Variants in ZNF304 observed in about 807,000 individuals in gnomAD.
ZNF304 encodes KRAB-containing zinc finger protein.
ZNF304 carries 7 observed loss-of-function variants against 7.8 expected under a neutral mutation model. The ratio of observed to expected loss-of-function variants is 0.90; its 90% CI spans 0.51 to 1.69. ZNF304 has a LOEUF of 1.69. Among genes scored for constraint, ZNF304 ranks in the 40% most tolerant of loss-of-function variants. The probability of loss-of-function intolerance (pLI) is 0.00; values close to 1 mark genes in which losing one functional copy is unlikely to be tolerated. For synonymous variants in ZNF304, 280 were observed against 272.4 expected (o/e 1.03, Z -0.27); for missense variants, 669 against 804.8 (o/e 0.83, Z 2.04).
intron 2 of ZNF304, among the ~76,000 whole-genome samples, chr19:57,355,562 A>G (rs2088324507): frequency 6.6e-6 from 1 of 152,150 alleles, no homozygotes; most frequent in South Asian, 2.1e-4. Flanking sequence ...CGTGTCTTCC[A>G]TCCTTTGGGT....
In ZNF304 at chr19:57,357,841, C is replaced by T. The variant is rs2088368628; in HGVS notation, c.1972C>T (p.Leu658Phe). Residue 658 changes from leucine (L) to phenylalanine (F), a missense_variant, in exon 3 of 3, where the codon CTT becomes TTT. Leu to Phe is a conservative substitution (Grantham distance 22). Transcript: ENST00000282286. Reference sequence around the variant, plus strand: ...TGGCCCTTTAGCTGCATCTCTTAAACTTGTTTAACACCAGAAAATTCACAC... The same window carrying T: ...TGGCCCTTTAGCTGCATCTCTTAAATTTGTTTAACACCAGAAAATTCACAC... ...FGGPLAASLK[L>F]V 6.3e-7 allele frequency: 1 copy of T among 1,588,908 alleles called. No individual in the cohort carries two copies. Among genetic ancestry groups the T allele is most frequent in the Non-Finnish European group, 8.5e-7 (1 of 1,171,096 alleles).
At position 57,351,675 on chromosome 19, in the gene ZNF304, C is replaced by T; in HGVS notation, c.11C>T (p.Ala4Val). The change falls in exon 1 of 3, where the codon GCG (alanine) becomes GTG (valine). Residue 4 changes from alanine to valine, a missense_variant. Ala to Val is a moderately conservative substitution (Grantham distance 64). Transcript: ENST00000282286. The surrounding 1 kb of genome is among the most constrained non-coding windows in gnomAD (Gnocchi z 4.1). ...GTTCATCCGCTTCTCATGGCAGCGG[C>T]GGTGCTGATGGACCGGGTTCAGGTG... Reference protein sequence around the residue: MAAAVLMDRVQSCV... With the variant: MAAVVLMDRVQSCV... 6.2e-7 allele frequency: 1 copy of T among 1,613,144 alleles called. No individual in the cohort carries two copies. The highest frequency in any genetic ancestry group is 8.5e-7 in the Non-Finnish European group (1 of 1,179,656).
chr19:57,359,008 C>A lies in ZNF304; in HGVS notation c.*1159C>A, dbSNP rs1230859988. 1 of 152,004 alleles carries A rather than the reference C, an allele frequency of 6.6e-6. No homozygotes were observed. Among genetic ancestry groups the A allele is most frequent in the Admixed American group, 6.6e-5 (1 of 15,250 alleles). The allele number at this position is 152,004 out of a possible 1,614,324, so 9.4% of individuals were successfully genotyped here. A position where few individuals can be genotyped will look rare whatever the true frequency, so the allele number is the denominator to read the frequency against. On this transcript the variant is annotated 3_prime_UTR_variant, in exon 3 of 3. Coordinates refer to ENST00000282286, the MANE Select transcript of ZNF304 (RefSeq NM_020657.4). ...ATGGAGTGGGGATGACTGTGGCAAA[C>A]AAAAGGAGATTCGAACATTCTAGAG...
At position 57,357,595 on chromosome 19, in the gene ZNF304, C is replaced by G. The variant is rs1251547980; in HGVS notation, c.1726C>G (p.Gln576Glu). ...KAYISSSHLV[Q>E]HKKVHTGARP... ...TTACATTAGTAGCTCCCACCTTGTTCAACACAAGAAAGTTCACACTGGAGC... is the reference window on the plus strand; with the variant it reads ...TTACATTAGTAGCTCCCACCTTGTTGAACACAAGAAAGTTCACACTGGAGC... The change falls in exon 3 of 3, where the codon CAA (glutamine) becomes GAA (glutamate). Residue 576 changes from glutamine (Q) to glutamate (E), a missense_variant. By Grantham distance (29) the Gln-to-Glu change is conservative. Transcript: ENST00000282286. 1 of 1,614,122 alleles carries G rather than the reference C, an allele frequency of 6.2e-7. No homozygotes were observed. Among genetic ancestry groups the G allele is most frequent in the South Asian group, 1.1e-5 (1 of 91,080 alleles).
chr19:57,354,115 C>T (rs181798745), intron 2 of ZNF304, among the ~76,000 whole-genome samples: 235 of 151,414 alleles, frequency 1.6e-3, no homozygotes, highest in African/African-American at 4.6e-3. Flanking sequence ...CTCAAGTGAT[C>T]CCCCCCACCT....
chr19:57,358,944 C>T lies in ZNF304; in HGVS notation c.*1095C>T, dbSNP rs758212709. 2.0e-5 allele frequency: 3 copies of T among 152,128 alleles called. No homozygotes were observed. The highest frequency in any genetic ancestry group is 2.9e-5 in the Non-Finnish European group (2 of 68,052). 9.4% of individuals were successfully genotyped at this position (152,128 alleles called of 1,614,324 possible). On this transcript the variant is annotated 3_prime_UTR_variant, in exon 3 of 3. Transcript: ENST00000282286. ...CATTGACTGTAAGACCTCTGTAGGG[C>T]AATGTGAAAATCATGATTGCTACAG...
chr19:57,353,588 A>G (rs2088300563), intron 1 of ZNF304, 137 bp from the exon 2 acceptor site: 1 of 1,222,058 alleles, frequency 8.2e-7, no homozygotes. Flanking sequence ...AGTGGTGCCA[A>G]GGTCTGTTAT....
intron 1 of ZNF304, 85 bp from the exon 2 acceptor site, chr19:57,353,640 G>T: frequency 6.7e-7 from 1 of 1,503,662 alleles, no homozygotes; most frequent in Non-Finnish European, 8.9e-7. Flanking sequence ...GGACTAGAGA[G>T]TGGGTGTGTG....
Position 57,356,615 on chromosome 19 carries a change from G to A in ZNF304, c.746G>A (p.Arg249Lys). The change falls in exon 3 of 3, where the codon AGA (arginine) becomes AAA (lysine). Residue 249 changes from arginine (R) to lysine (K), a missense_variant. By Grantham distance (26) the Arg-to-Lys change is conservative (BLOSUM62 2). Transcript: ENST00000282286. ...LDSQMTHAEV[R>K]PFRCLPCGNV... ...AGCCAGATGACTCATGCTGAGGTGA[G>A]ACCCTTCAGATGCCTACCATGTGGA... 2 of 1,614,214 alleles carry A rather than the reference G, an allele frequency of 1.2e-6. No individual in the cohort carries two copies.
rs2088328808 is a variant in ZNF304 at position 57,355,885 on chromosome 19, C to A, written c.161-145C>A. The A allele has an allele frequency of 8.4e-5, 77 of 914,526 alleles. No individual in the cohort carries two copies. The East Asian group carries it at 1.8e-3, about 22-fold the overall frequency. The allele number at this position is 914,526 out of a possible 1,614,324, so 56.7% of individuals were successfully genotyped here. On this transcript the variant is annotated intron_variant, in intron 2 of 2. Coordinates refer to ENST00000282286, the MANE Select transcript of ZNF304 (RefSeq NM_020657.4). ...ATTCTGTGAGGCCCTATACTGACAACCAGCCCTTCTTTACACTGATCCTGG... is the reference window on the plus strand; with the variant it reads ...ATTCTGTGAGGCCCTATACTGACAAACAGCCCTTCTTTACACTGATCCTGG...
Position 57,357,942 on chromosome 19 carries a change from T to TG in ZNF304, c.*94dup. On this transcript the variant is annotated 3_prime_UTR_variant, in exon 3 of 3. Coordinates refer to ENST00000282286, the MANE Select transcript of ZNF304 (RefSeq NM_020657.4). ...TAGGACTCACACCAGAGCAATGCTC[T>TG]GTGAGTACCCTTTGTGAGGGAACCA... 1 of 1,462,196 alleles carries TG rather than the reference T, an allele frequency of 6.8e-7. No homozygotes were observed. The highest frequency in any genetic ancestry group is 9.2e-7 in the Non-Finnish European group (1 of 1,091,462). 90.6% of individuals were successfully genotyped at this position (1,462,196 alleles called of 1,614,324 possible). A position where few individuals can be genotyped will look rare whatever the true frequency, so the allele number is the denominator to read the frequency against.
chr19:57,357,181 C>T lies in ZNF304; in HGVS notation c.1312C>T (p.Arg438Trp), dbSNP rs751628661. 1.7e-5 allele frequency: 27 copies of T among 1,614,034 alleles called. No individual in the cohort carries two copies. Among genetic ancestry groups the T allele is most frequent in the African/African-American group, 8.0e-5 (6 of 74,898 alleles). ...FSHNSSLIKH[R>W]RVHTGARSYV... ...CCATAACTCTAGCCTCATTAAACAT[C>T]GGAGAGTCCACACAGGAGCAAGATC... is the stretch of plus-strand genomic sequence containing the variant. Residue 438 changes from arginine to tryptophan, a missense_variant, in exon 3 of 3, where the codon CGG becomes TGG. Transcript: ENST00000282286.
chr19:57,357,487 T>G lies in ZNF304; in HGVS notation c.1618T>G (p.Phe540Val). Residue 540 changes from phenylalanine to valine, a missense_variant, in exon 3 of 3, where the codon TTT (phenylalanine) becomes GTT (valine). Phe to Val is a conservative substitution (Grantham distance 50, BLOSUM62 -1). Coordinates refer to ENST00000282286, the MANE Select transcript of ZNF304 (RefSeq NM_020657.4). ...PYECNECGKC[F>V]SHNSSLILHQ... ...TGAGTGCAATGAATGTGGGAAATGC[T>G]TTAGCCACAACTCCAGCCTCATTTT... The G allele has an allele frequency of 1.2e-6, 2 of 1,613,536 alleles. No homozygotes were observed. Among genetic ancestry groups the G allele is most frequent in the Non-Finnish European group, 1.7e-6 (2 of 1,179,604 alleles).
At chr19:57,352,097 G>A (rs2088282710) in intron 1 of ZNF304, 1 of 204,506 alleles carries the variant, frequency 4.9e-6, no homozygotes, top group Non-Finnish European at 9.9e-6. Flanking sequence ...GGTAGACTAG[G>A]GATTATAGGG....
Position 57,357,424 on chromosome 19 carries a change from AT to A in ZNF304, c.1557del (p.Ile519MetfsTer134). 1 of 1,613,822 alleles carries A rather than the reference AT, an allele frequency of 6.2e-7. No homozygotes were observed. Among genetic ancestry groups the A allele is most frequent in the Non-Finnish European group, 8.5e-7 (1 of 1,179,950 alleles). ...ATTCTTCAGCCATAGCTCCAACCTT[AT>A]TGTACACCAGAGAATTCACACTGGA... ...GKFFSHSSNL[I>X]VHQRIHTGAK... On this transcript the variant is annotated frameshift_variant, in exon 3 of 3. Transcript: ENST00000282286. LOFTEE classifies it low-confidence loss of function (END_TRUNC).
At chr19:57,352,613 A>G (rs1165411245) in intron 1 of ZNF304, 1 of 152,150 alleles carries the variant, frequency 6.6e-6, no homozygotes, top group Non-Finnish European at 1.5e-5. Context: ...GAGGAGGGAG[A>G]TGATCTGACT....
At position 57,351,390 on chromosome 19, in the gene ZNF304, A is replaced by ACCTT; in HGVS notation, c.-269_-266dup. 1.8e-6 allele frequency: 1 copy of ACCTT among 541,858 alleles called. No individual in the cohort carries two copies. The allele number at this position is 541,858 out of a possible 1,614,324, so 33.6% of individuals were successfully genotyped here. A position where few individuals can be genotyped will look rare whatever the true frequency, so the allele number is the denominator to read the frequency against. ...AAAGAAAGACAGTGAAGACTGCAGG[A>ACCTT]CCTTCCTTCGCGCTTTTGTTACAAT... On this transcript the variant is annotated 5_prime_UTR_variant, in exon 1 of 3. Coordinates refer to ENST00000282286, the MANE Select transcript of ZNF304 (RefSeq NM_020657.4). The surrounding 1 kb of genome is among the most constrained non-coding windows in gnomAD (Gnocchi z 4.1).
chr19:57,353,625 G>A, intron 1 of ZNF304, 100 bp from the exon 2 acceptor site: 1 of 1,457,998 alleles, frequency 6.9e-7, no homozygotes, highest in South Asian at 1.6e-5. Context: ...GGCTGGGGAG[G>A]CGAGGGACTA....
chr19:57,356,599 A>G lies in ZNF304; in HGVS notation c.730A>G (p.Thr244Ala), dbSNP rs771952072. The change falls in exon 3 of 3, where the codon ACT becomes GCT. Residue 244 changes from threonine to alanine, a missense_variant. Physicochemically the swap from Thr to Ala is moderately conservative, Grantham distance 58. Coordinates refer to ENST00000282286, the MANE Select transcript of ZNF304 (RefSeq NM_020657.4). ...CTTTACTCTTCTTGACAGCCAGATG[A>G]CTCATGCTGAGGTGAGACCCTTCAG... ...DTFTLLDSQMTHAEVRPFRCL... is the reference protein window; with the variant it reads ...DTFTLLDSQMAHAEVRPFRCL... The G allele has an allele frequency of 1.1e-5, 17 of 1,614,000 alleles. No individual in the cohort carries two copies. The South Asian group carries it at 1.9e-4, about 18-fold the overall frequency.
Sources: allele counts gnomAD v4.1 joint callset (sites outside exome capture counted in the v4.1 genomes callset), GRCh38; gene constraint gnomAD v4.1.1; non-coding constraint Gnocchi (gnomAD v3.1); transcripts MANE v1.5; gene names NCBI Gene and HGNC (gene_info 2026-07-23, HGNC 2026-07-21).